The following CABLES1 variants were observed in gnomAD, a reference collection of about 807,000 sequenced individuals.
The protein encoded by CABLES1 is Cdk5 and Abl enzyme substrate 1, also known as CDK5 and ABL1 enzyme substrate 1.
CABLES1 carries 36 observed loss-of-function variants against 57.8 expected under a neutral mutation model. The ratio of observed to expected loss-of-function variants is 0.62; its 90% CI spans 0.48 to 0.82. The LOEUF (loss-of-function observed/expected upper bound fraction) is 0.82. Ranked by LOEUF, CABLES1 falls within the 40% of genes least tolerant of loss-of-function variation. The probability of loss-of-function intolerance (pLI) is 0.00; values close to 1 mark genes in which losing one functional copy is unlikely to be tolerated. For synonymous variants in CABLES1, 374 were observed against 363.0 expected (o/e 1.03, Z -0.35); for missense variants, 767 against 836.6 (o/e 0.92, Z 1.03).
intron 1 of CABLES1, among the ~76,000 whole-genome samples, chr18:23,178,812 C>A (rs2047143284): frequency 6.6e-6 from 1 of 152,146 alleles, no homozygotes. Context: ...TAAACTCAGG[C>A]AAGCCAAGAG....
At chr18:23,159,073 C>T (rs1053662240) in intron 1 of CABLES1, among the ~76,000 whole-genome samples, 4 of 152,228 alleles carry the variant, frequency 2.6e-5, no homozygotes, top group African/African-American at 9.6e-5. Context: ...TCAAGCGATT[C>T]TCCTGCCTCA....
chr18:23,153,916 A>C (rs989992554), intron 1 of CABLES1, among the ~76,000 whole-genome samples: 1 of 152,136 alleles, frequency 6.6e-6, no homozygotes, highest in African/African-American at 2.4e-5. Flanking sequence ...CTGTAATCTC[A>C]GCCACCTAGG....
chr18:23,255,349 G>A (rs1403120105), intron 9 of CABLES1, among the ~76,000 whole-genome samples: 2 of 152,114 alleles, frequency 1.3e-5, no homozygotes, highest in Non-Finnish European at 2.9e-5. Flanking sequence ...GCTGTCTTCA[G>A]TGGCAAAGGC....
chr18:23,228,616 G>C (rs973721767), intron 4 of CABLES1, among the ~76,000 whole-genome samples: 2 of 151,974 alleles, frequency 1.3e-5, no homozygotes, highest in Admixed American at 6.6e-5. Flanking sequence ...CTGCTTGGCT[G>C]TCTCCCCAAA....
intron 1 of CABLES1, among the ~76,000 whole-genome samples, chr18:23,140,952 A>G (rs2046854349): frequency 6.6e-6 from 1 of 152,150 alleles, no homozygotes; most frequent in Non-Finnish European, 1.5e-5. Context: ...TTTCTAGTGT[A>G]AAATGCACTT....
At chr18:23,196,388 G>A (rs934644887) in intron 3 of CABLES1, among the ~76,000 whole-genome samples, 2 of 152,196 alleles carry the variant, frequency 1.3e-5, no homozygotes, top group Non-Finnish European at 2.9e-5. Context: ...TGAAAGGGCC[G>A]GCAGGAGGGG....
intron 7 of CABLES1, among the ~76,000 whole-genome samples, chr18:23,249,495 AG>A (rs1312778282): frequency 6.6e-6 from 1 of 152,192 alleles, no homozygotes; most frequent in African/African-American, 2.4e-5. Flanking sequence ...TGCAGGTGCG[AG>A]GCCCCACCCT....
intron 1 of CABLES1, among the ~76,000 whole-genome samples, chr18:23,177,418 T>TACACACACACACACACAC (rs10692529): frequency 1.5e-4 from 21 of 144,738 alleles, no homozygotes; most frequent in African/African-American, 3.1e-4. Flanking sequence ...AGCACATGTG[T>TACACACACACACACACAC]ACACACACAC....
At chr18:23,177,750 A>G (rs2144999948) in intron 1 of CABLES1, among the ~76,000 whole-genome samples, 1 of 152,112 alleles carries the variant, frequency 6.6e-6, no homozygotes, top group Middle Eastern at 3.4e-3. Context: ...TCCCTCTGTT[A>G]GAGGTACTCT....
chr18:23,160,342 A>C (rs2046995049), intron 1 of CABLES1, among the ~76,000 whole-genome samples: 1 of 152,084 alleles, frequency 6.6e-6, no homozygotes, highest in South Asian at 2.1e-4. Flanking sequence ...TTGGTTTTCA[A>C]ATAGCTATTT....
chr18:23,241,845 G>A (rs1198255706), intron 7 of CABLES1, among the ~76,000 whole-genome samples: 2 of 152,168 alleles, frequency 1.3e-5, no homozygotes, highest in African/African-American at 4.8e-5. Flanking sequence ...CAGAGGTGAA[G>A]CCTGTCATTT....
intron 1 of CABLES1, among the ~76,000 whole-genome samples, chr18:23,142,873 G>C (rs956880861): frequency 7.2e-5 from 11 of 152,118 alleles, no homozygotes; most frequent in African/African-American, 2.7e-4. Context: ...CTTGGACACG[G>C]TATTTTTATT....
chr18:23,203,836 A>G (rs2047343565), intron 3 of CABLES1, among the ~76,000 whole-genome samples: 1 of 152,194 alleles, frequency 6.6e-6, no homozygotes, highest in Admixed American at 6.5e-5. Flanking sequence ...GCACCTTGCA[A>G]CACGGACCCT....
At chr18:23,243,872 C>CAAAA (rs34013091) in intron 7 of CABLES1, among the ~76,000 whole-genome samples, 2 of 109,904 alleles carry the variant, frequency 1.8e-5, no homozygotes, top group African/African-American at 5.9e-5. Flanking sequence ...GACTCCGTTT[C>CAAAA]AAAAAAAAAA....
intron 7 of CABLES1, among the ~76,000 whole-genome samples, chr18:23,251,417 C>T (rs2048034454): frequency 6.6e-6 from 1 of 152,072 alleles, no homozygotes; most frequent in Admixed American, 6.5e-5. Context: ...CGCCACTGTA[C>T]TCCAGCTTGG....
chr18:23,211,594 C>T (rs1476912268), intron 3 of CABLES1, among the ~76,000 whole-genome samples: 2 of 152,212 alleles, frequency 1.3e-5, no homozygotes, highest in Non-Finnish European at 2.9e-5. Flanking sequence ...CTTATTAGTA[C>T]CCAAAAAGTC....
At chr18:23,215,912 C>A (rs1169277306) in intron 4 of CABLES1, among the ~76,000 whole-genome samples, 1 of 152,040 alleles carries the variant, frequency 6.6e-6, no homozygotes, top group East Asian at 1.9e-4. Context: ...TGCCACCATG[C>A]CAGGCTAAAT....
chr18:23,211,107 G>A (rs747354315), intron 3 of CABLES1, among the ~76,000 whole-genome samples: 14 of 151,620 alleles, frequency 9.2e-5, no homozygotes, highest in Non-Finnish European at 1.8e-4. Context: ...AGAACAAGCA[G>A]CCCATTTACT....
At position 23,194,460 on chromosome 18, in the gene CABLES1, C is replaced by G. The variant is rs769159682; in HGVS notation, c.930C>G (p.Leu310=). ...ENAPLRRCRT[L]SGSPRPKNFK... is the part of the protein sequence containing the mutation. ...CTTTATTTTTCAGATGTCGAACTCTCTCAGGTTCACCCAGACCAAAGAATT... is the reference window on the plus strand; with the variant it reads ...CTTTATTTTTCAGATGTCGAACTCTGTCAGGTTCACCCAGACCAAAGAATT... Residue 310 remains leucine (L), a synonymous_variant, in exon 3 of 10, where the codon CTC becomes CTG. Transcript: ENST00000256925. 8.1e-6 allele frequency: 13 copies of G among 1,610,644 alleles called. No individual in the cohort carries two copies. Among genetic ancestry groups the G allele is most frequent in the African/African-American group, 1.3e-5 (1 of 74,814 alleles).
Sources: gnomAD v4.1 joint callset for allele counts (sites outside exome capture counted in the v4.1 genomes callset) on GRCh38, gnomAD v4.1.1 for gene constraint, MANE v1.5 for transcripts, NCBI Gene and HGNC (gene_info 2026-07-23, HGNC 2026-07-21) for gene names.